Variants in PSMA1 observed in about 807,000 individuals in gnomAD.
The protein encoded by PSMA1 is proteasome 20S subunit alpha 1, also known as proteasome subunit alpha type-1.
A neutral mutation model predicts 38.4 loss-of-function variants in PSMA1; 3 were observed. That is an observed-to-expected ratio of 0.08 (90% CI 0.04 to 0.20). The LOEUF (loss-of-function observed/expected upper bound fraction) is 0.20. PSMA1 is among the 10% of genes least tolerant of loss of function. PSMA1 has a pLI of 1.00. For missense variants in PSMA1, 227 were observed against 325.3 expected (o/e 0.70, Z 2.32); for synonymous variants, 101 against 107.1 (o/e 0.94, Z 0.35).
intron 1 of PSMA1, among the ~76,000 whole-genome samples, chr11:14,618,937 T>A (rs1432305987): frequency 6.6e-6 from 1 of 152,212 alleles, no homozygotes; most frequent in East Asian, 1.9e-4. Context: ...GCTACTAGAA[T>A]AATAATTCTT....
chr11:14,521,150 G>T (rs1330458316), upstream of PSMA1, among the ~76,000 whole-genome samples: 1 of 27,668 alleles, frequency 3.6e-5, no homozygotes, highest in Non-Finnish European at 7.0e-5. Flanking sequence ...ACATCCACCG[G>T]CTATTTATAT....
At chr11:14,611,418 A>T (rs1187584507) in intron 1 of PSMA1, among the ~76,000 whole-genome samples, 1 of 152,232 alleles carries the variant, frequency 6.6e-6, no homozygotes, top group African/African-American at 2.4e-5. Flanking sequence ...ACAATTATAT[A>T]GCAAAAGAAT....
At chr11:14,582,909 C>A (rs925409882) in intron 2 of PSMA1, among the ~76,000 whole-genome samples, 2 of 152,180 alleles carry the variant, frequency 1.3e-5, no homozygotes, top group Non-Finnish European at 2.9e-5. Context: ...CTGCTCAGTC[C>A]ACCACATCTG....
intron 8 of PSMA1, 37 bp from the exon 9 acceptor site, chr11:14,507,803 ATTTGGATG>A: frequency 1.5e-6 from 2 of 1,326,926 alleles, no homozygotes; most frequent in Admixed American, 1.9e-5. Context: ...AAATAAGAGA[ATTTGGATG>A]AAAAAATACA....
intron 2 of PSMA1, among the ~76,000 whole-genome samples, chr11:14,543,191 A>C (rs1003313620): frequency 6.6e-6 from 1 of 152,160 alleles, no homozygotes; most frequent in Non-Finnish European, 1.5e-5. Flanking sequence ...CCTTGCACCA[A>C]ATTTCAAAAA....
intron 2 of PSMA1, among the ~76,000 whole-genome samples, chr11:14,570,917 T>C: frequency 6.6e-6 from 1 of 151,906 alleles, no homozygotes; most frequent in East Asian, 1.9e-4. Context: ...GTCACCAAAG[T>C]TGAAATGAAG....
rs553362705 is a variant in PSMA1 at position 14,553,545 on chromosome 11, T to A, written c.22-34504A>T. Among the ~76,000 whole-genome samples the A allele has an allele frequency of 2.0e-5, 3 of 152,314 alleles. No individual in the cohort carries two copies. The South Asian group carries it at 6.2e-4, about 32-fold the overall frequency. ...CTCTGTAATTTTATCATTTTAGGAATGTTAGATAAATGAAATCATACAATA... is the reference window on the plus strand; with the variant it reads ...CTCTGTAATTTTATCATTTTAGGAAAGTTAGATAAATGAAATCATACAATA... On this transcript the variant is annotated intron_variant, in intron 2 of 10. Transcript: ENST00000418988.
intron 1 of PSMA1, among the ~76,000 whole-genome samples, chr11:14,618,195 TCTTA>T (rs1250062634): frequency 6.6e-6 from 1 of 152,242 alleles, no homozygotes; most frequent in Non-Finnish European, 1.5e-5. Flanking sequence ...TGATTATTCC[TCTTA>T]CTTCTTTAAT....
chr11:14,510,582 G>A (rs1004285453), intron 8 of PSMA1, among the ~76,000 whole-genome samples: 9 of 152,082 alleles, frequency 5.9e-5, no homozygotes, highest in Non-Finnish European at 7.4e-5. Flanking sequence ...CACATGGTAG[G>A]TGCTCAATAT....
intron 2 of PSMA1, among the ~76,000 whole-genome samples, chr11:14,594,422 G>A (rs976985066): frequency 6.6e-6 from 1 of 152,140 alleles, no homozygotes; most frequent in Admixed American, 6.5e-5. Flanking sequence ...ACAGGGAAGG[G>A]GGGGGTTCAG....
chr11:14,594,934 A>G (rs1183354723), intron 2 of PSMA1, among the ~76,000 whole-genome samples: 6 of 151,616 alleles, frequency 4.0e-5, no homozygotes, highest in Admixed American at 2.6e-4. Flanking sequence ...ACAGGCCCCA[A>G]TGTGTGATGT....
intron 7 of PSMA1, 61 bp downstream of exon 7, chr11:14,513,509 T>C (rs965458257): frequency 3.8e-6 from 5 of 1,304,732 alleles, no homozygotes; most frequent in Non-Finnish European, 3.9e-6. Flanking sequence ...ACTATGTTTA[T>C]TTACTATATA....
chr11:14,556,923 A>G (rs1244907594), intron 2 of PSMA1, among the ~76,000 whole-genome samples: 5 of 152,086 alleles, frequency 3.3e-5, no homozygotes, highest in Non-Finnish European at 5.9e-5. Context: ...GTCGCCTCCA[A>G]CTCCTGGGCT....
At chr11:14,545,324 T>A (rs1251690529) in intron 2 of PSMA1, among the ~76,000 whole-genome samples, 1 of 152,256 alleles carries the variant, frequency 6.6e-6, no homozygotes, top group Non-Finnish European at 1.5e-5. Flanking sequence ...TAATTTAATT[T>A]AAGTACCAGG....
chr11:14,607,226 T>C (rs980900288), intron 2 of PSMA1, among the ~76,000 whole-genome samples: 3 of 152,216 alleles, frequency 2.0e-5, no homozygotes, highest in Non-Finnish European at 4.4e-5. Context: ...GAGGAAAAGT[T>C]TTAGCTCTGA....
chr11:14,520,127 T>G, intron 1 of PSMA1, 170 bp downstream of exon 1: 2 of 1,088,952 alleles, frequency 1.8e-6, no homozygotes, highest in Admixed American at 2.1e-5. Context: ...CGATAACCCC[T>G]AGCCCGGCCA....
chr11:14,548,293 C>T (rs1851849152), intron 2 of PSMA1, among the ~76,000 whole-genome samples: 1 of 152,022 alleles, frequency 6.6e-6, no homozygotes, highest in Non-Finnish European at 1.5e-5. Flanking sequence ...AAGTGATTTG[C>T]CCAAGCTCAT....
chr11:14,520,374 G>A lies in PSMA1; in HGVS notation c.-75C>T. On this transcript the variant is annotated 5_prime_UTR_variant, in exon 1 of 10. Transcript: ENST00000396394. ...GAGGTGCTGCCGAAAGTATCGCTCA[G>A]CGATCTACAGAGAAGTCTGCGGGAG... is the stretch of plus-strand genomic sequence containing the variant. 6.2e-7 allele frequency: 1 copy of A among 1,614,114 alleles called. No individual in the cohort carries two copies. Among genetic ancestry groups the A allele is most frequent in the Non-Finnish European group, 8.5e-7 (1 of 1,179,986 alleles).
At chr11:14,539,745 A>C (rs1851750339) in intron 2 of PSMA1, among the ~76,000 whole-genome samples, 1 of 152,074 alleles carries the variant, frequency 6.6e-6, no homozygotes, top group Non-Finnish European at 1.5e-5. Flanking sequence ...GCTACTCAGG[A>C]GGCTGAGGCA....
Sources: gnomAD v4.1 joint callset for allele counts (sites outside exome capture counted in the v4.1 genomes callset) on GRCh38, gnomAD v4.1.1 for gene constraint, MANE v1.5 for transcripts, NCBI Gene and HGNC (gene_info 2026-07-23, HGNC 2026-07-21) for gene names.